VMP1: variants seen among roughly 807,000 people sequenced by gnomAD.
VMP1 encodes the protein vacuole membrane protein 1.
VMP1 carries 11 observed loss-of-function variants against 56.0 expected under a neutral mutation model. The ratio of observed to expected loss-of-function variants is 0.20; its 90% CI spans 0.12 to 0.32. The LOEUF is 0.32. VMP1 is among the 10% of genes least tolerant of loss of function. VMP1 has a pLI of 1.00. For missense variants in VMP1, 296 were observed against 490.3 expected (o/e 0.60, Z 3.74); for synonymous variants, 149 against 165.0 (o/e 0.90, Z 0.74).
At chr17:59,709,109 A>G (rs926797519) in intron 1 of VMP1, among the ~76,000 whole-genome samples, 2 of 152,190 alleles carry the variant, frequency 1.3e-5, no homozygotes, top group African/African-American at 4.8e-5. Context: ...GTCAGTTTAC[A>G]TATTTTTCTT....
At chr17:59,747,023 T>C (rs561285637) in intron 5 of VMP1, among the ~76,000 whole-genome samples, 1 of 152,364 alleles carries the variant, frequency 6.6e-6, no homozygotes, top group East Asian at 1.9e-4. Flanking sequence ...TATATTTGGC[T>C]GCCACTAGGT....
At chr17:59,725,767 T>A (rs999598571) in intron 1 of VMP1, among the ~76,000 whole-genome samples, 1 of 152,222 alleles carries the variant, frequency 6.6e-6, no homozygotes, top group African/African-American at 2.4e-5. Context: ...CAAAACAAAA[T>A]TTCAGACTAT....
intron 1 of VMP1, among the ~76,000 whole-genome samples, chr17:59,719,846 A>G (rs1247920740): frequency 6.6e-6 from 1 of 151,866 alleles, no homozygotes; most frequent in Non-Finnish European, 1.5e-5. Flanking sequence ...ACAAATAAAA[A>G]AAACCCCACA....
At chr17:59,733,286 A>G (rs1249671692) in intron 2 of VMP1, among the ~76,000 whole-genome samples, 3 of 152,148 alleles carry the variant, frequency 2.0e-5, no homozygotes, top group Admixed American at 2.0e-4. Flanking sequence ...TATTGGTAAT[A>G]TATAAGTTAT....
At chr17:59,732,037 G>T (rs889803568) in intron 2 of VMP1, among the ~76,000 whole-genome samples, 1 of 152,022 alleles carries the variant, frequency 6.6e-6, no homozygotes, top group African/African-American at 2.4e-5. Context: ...TAATATGGAT[G>T]ATTTAAGTAG....
At chr17:59,778,163 G>A (rs945576884) in intron 7 of VMP1, among the ~76,000 whole-genome samples, 2 of 152,010 alleles carry the variant, frequency 1.3e-5, no homozygotes, top group African/African-American at 4.8e-5. Flanking sequence ...GTATTTTTCA[G>A]GCATCGTCTT....
intron 10 of VMP1, among the ~76,000 whole-genome samples, chr17:59,832,656 C>T (rs2038850110): frequency 6.6e-6 from 1 of 151,518 alleles, no homozygotes; most frequent in African/African-American, 2.4e-5. Flanking sequence ...TGCAGTGGCA[C>T]AATCTCGGCT....
At chr17:59,783,729 A>G (rs994736198) in intron 7 of VMP1, among the ~76,000 whole-genome samples, 6 of 152,010 alleles carry the variant, frequency 3.9e-5, no homozygotes, top group Admixed American at 1.3e-4. Context: ...TTCTATCTCC[A>G]TAGTATCTTA....
At chr17:59,748,868 G>T (rs1367636096) in intron 5 of VMP1, among the ~76,000 whole-genome samples, 9 of 150,726 alleles carry the variant, frequency 6.0e-5, no homozygotes, top group African/African-American at 1.7e-4. Context: ...TTAAAAGAGT[G>T]GATAAATTTA....
intron 7 of VMP1, among the ~76,000 whole-genome samples, chr17:59,778,492 G>A (rs1031168596): frequency 1.3e-5 from 2 of 150,692 alleles, no homozygotes; most frequent in South Asian, 4.2e-4. Context: ...GCAGTGAGCC[G>A]AGATCGCACC....
At chr17:59,831,127 G>A (rs1468280925) in intron 10 of VMP1, among the ~76,000 whole-genome samples, 1 of 152,034 alleles carries the variant, frequency 6.6e-6, no homozygotes, top group Non-Finnish European at 1.5e-5. Flanking sequence ...TATCCTGCCT[G>A]GCCAGATTTC....
At chr17:59,736,600 C>T (rs563325179) in intron 3 of VMP1, among the ~76,000 whole-genome samples, 7 of 151,760 alleles carry the variant, frequency 4.6e-5, no homozygotes, top group Admixed American at 6.6e-5. Context: ...AAAAATTAGC[C>T]GGGCATGGTG....
chr17:59,801,290 G>T (rs970041240), intron 7 of VMP1, among the ~76,000 whole-genome samples: 1 of 151,706 alleles, frequency 6.6e-6, no homozygotes, highest in Non-Finnish European at 1.5e-5. Context: ...CTGTTGCCCA[G>T]GCTGGAGTGC....
chr17:59,749,470 TATAAATC>T (rs112084645), intron 5 of VMP1, among the ~76,000 whole-genome samples: 7,489 of 151,926 alleles, frequency 0.049, 596 homozygotes, highest in African/African-American at 0.17. Flanking sequence ...ATGAACTAGA[TATAAATC>T]AACTTTCACC....
At chr17:59,797,799 A>G (rs1283098552) in intron 7 of VMP1, among the ~76,000 whole-genome samples, 1 of 152,232 alleles carries the variant, frequency 6.6e-6, no homozygotes. Flanking sequence ...GAATCACTTG[A>G]ACCCGGGAGT....
chr17:59,799,232 T>G (rs906379974), intron 7 of VMP1, among the ~76,000 whole-genome samples: 1 of 152,232 alleles, frequency 6.6e-6, no homozygotes, highest in Non-Finnish European at 1.5e-5. Context: ...TCTAAATCTC[T>G]AAGTTACTTT....
intron 1 of VMP1, among the ~76,000 whole-genome samples, chr17:59,715,016 C>T (rs1598278315): frequency 6.6e-6 from 1 of 152,116 alleles, no homozygotes; most frequent in East Asian, 1.9e-4. Context: ...CCATTGGCTT[C>T]TAACTATCCT....
At chr17:59,713,420 C>A (rs79028128) in intron 1 of VMP1, among the ~76,000 whole-genome samples, 270 of 152,084 alleles carry the variant, frequency 1.8e-3, no homozygotes, top group Admixed American at 4.1e-3. Context: ...AATAATAAAT[C>A]ATCCAAGTCA....
chr17:59,835,695 G>A (rs1169880030), intron 10 of VMP1, among the ~76,000 whole-genome samples: 1 of 150,388 alleles, frequency 6.6e-6, no homozygotes, highest in Non-Finnish European at 1.5e-5. Flanking sequence ...TCTCCATATT[G>A]GTCAGGCTGG....
Sources: allele counts gnomAD v4.1 joint callset (sites outside exome capture counted in the v4.1 genomes callset), GRCh38; gene constraint gnomAD v4.1.1; transcripts MANE v1.5; gene names NCBI Gene and HGNC (gene_info 2026-07-23, HGNC 2026-07-21).